LRRC37A: variants seen among roughly 807,000 people sequenced by gnomAD.
LRRC37A encodes the protein leucine rich repeat containing 37A.
Under a neutral mutation model 35.4 loss-of-function variants are expected in LRRC37A, and 3 were observed. The ratio of observed to expected loss-of-function variants is 0.08; its 90% CI spans 0.04 to 0.22. The LOEUF (loss-of-function observed/expected upper bound fraction) is 0.22. Among genes scored for constraint, LRRC37A ranks in the 10% least tolerant of loss-of-function variants. LRRC37A has a pLI of 1.00. For synonymous variants in LRRC37A, 23 were observed against 215.0 expected (o/e 0.11, Z 7.81); for missense variants, 67 against 565.3 (o/e 0.12, Z 8.94).
the LRRC37A span, chr17:46,267,427 C>A: frequency 6.2e-7 from 1 of 1,612,930 alleles, no homozygotes. Context: ...CCGCCTGTAC[C>A]TCACTCACCC....
chr17:46,298,749 T>C (rs577451574), intron 1 of LRRC37A, among the ~76,000 whole-genome samples: 2 of 69,488 alleles, frequency 2.9e-5, no homozygotes, highest in African/African-American at 1.1e-4. Context: ...AAAAAAATGA[T>C]AGGAGGGAAG....
the LRRC37A span, among the ~76,000 whole-genome samples, chr17:46,277,803 C>T: frequency 4.2e-3 from 631 of 151,794 alleles, 3 homozygotes; most frequent in Middle Eastern, 6.9e-3. Context: ...CCCACCCTTA[C>T]GCCTAGCTAA....
chr17:46,264,885 A>AT, the LRRC37A span, among the ~76,000 whole-genome samples: 1 of 152,262 alleles, frequency 6.6e-6, no homozygotes, highest in African/African-American at 2.4e-5. Context: ...GATGTGGGTG[A>AT]TTTGAATGTA....
At chr17:46,250,264 G>T in the LRRC37A span, among the ~76,000 whole-genome samples, 2 of 151,938 alleles carry the variant, frequency 1.3e-5, no homozygotes, top group African/African-American at 2.4e-5. Flanking sequence ...TCGGGCCACT[G>T]GCTCCCAAAT....
the LRRC37A span, among the ~76,000 whole-genome samples, chr17:46,267,711 C>T: frequency 6.6e-6 from 1 of 152,074 alleles, no homozygotes; most frequent in African/African-American, 2.4e-5. Context: ...AGCCCCACCC[C>T]CACGGGTGAG....
intron 5 of LRRC37A, among the ~76,000 whole-genome samples, chr17:46,307,824 C>A (rs1315401024): frequency 1.3e-5 from 1 of 78,186 alleles, no homozygotes; most frequent in East Asian, 2.5e-4. Context: ...ACCAGCCTGA[C>A]CAACATGGTG....
the LRRC37A span, chr17:46,268,560 G>A: frequency 6.6e-7 from 1 of 1,511,964 alleles, no homozygotes; most frequent in Non-Finnish European, 8.9e-7. Flanking sequence ...GCTTCCTACA[G>A]CTCTGCTCCA....
chr17:46,260,694 G>A, the LRRC37A span: 11 of 1,149,110 alleles, frequency 9.6e-6, no homozygotes, highest in Non-Finnish European at 1.1e-5. Context: ...CGGGATCTTG[G>A]CTCACCGCAA....
chr17:46,262,280 T>C, the LRRC37A span, among the ~76,000 whole-genome samples: 3 of 152,252 alleles, frequency 2.0e-5, no homozygotes, highest in Non-Finnish European at 2.9e-5. Flanking sequence ...GTGATCCACC[T>C]GCCTTGGCCT....
At chr17:46,262,924 C>T in the LRRC37A span, among the ~76,000 whole-genome samples, 2 of 152,144 alleles carry the variant, frequency 1.3e-5, no homozygotes, top group African/African-American at 2.4e-5. Flanking sequence ...CCTAGAGTAA[C>T]AAGGAAATCC....
chr17:46,291,038 C>T (rs2532426), upstream of LRRC37A, among the ~76,000 whole-genome samples: 21,419 of 151,832 alleles, frequency 0.14, 1,863 homozygotes, highest in Non-Finnish European at 0.21. Flanking sequence ...AATGAATCTG[C>T]TTCTCTGTCT....
At chr17:46,276,785 T>TTTTTC in the LRRC37A span, among the ~76,000 whole-genome samples, 77 of 149,896 alleles carry the variant, frequency 5.1e-4, no homozygotes, top group Non-Finnish European at 7.9e-4. Flanking sequence ...TTTTTTTCTT[T>TTTTTC]TTTTCTTTTT....
chr17:46,248,405 C>G, the LRRC37A span, among the ~76,000 whole-genome samples: 2 of 152,036 alleles, frequency 1.3e-5, no homozygotes, highest in Non-Finnish European at 2.9e-5. Flanking sequence ...CACCTCCTCC[C>G]ACCGTCAGCC....
intron 11 of LRRC37A, among the ~76,000 whole-genome samples, chr17:46,336,203 C>T (rs1332674225): frequency 3.2e-5 from 1 of 31,364 alleles, no homozygotes; most frequent in African/African-American, 4.9e-5. Flanking sequence ...TTTTTTTTTC[C>T]CCTGGATCCT....
At chr17:46,273,405 AG>A in the LRRC37A span, among the ~76,000 whole-genome samples, 1 of 152,278 alleles carries the variant, frequency 6.6e-6, no homozygotes, top group Non-Finnish European at 1.5e-5. Flanking sequence ...ATGTACAAAA[AG>A]GAATGGGCTT....
At chr17:46,276,729 A>G in the LRRC37A span, among the ~76,000 whole-genome samples, 1 of 152,210 alleles carries the variant, frequency 6.6e-6, no homozygotes, top group Non-Finnish European at 1.5e-5. Context: ...GAAATTCCCT[A>G]AAAATGCAAC....
the LRRC37A span, among the ~76,000 whole-genome samples, chr17:46,280,395 C>A: frequency 0.12 from 18,668 of 149,880 alleles, 2 homozygotes; most frequent in Middle Eastern, 0.19. Context: ...AATTTCTAGC[C>A]CAGTGCAGTG....
At chr17:46,274,460 T>TTG in the LRRC37A span, among the ~76,000 whole-genome samples, 3 of 152,182 alleles carry the variant, frequency 2.0e-5, no homozygotes, top group African/African-American at 7.2e-5. Context: ...TGATTCGCAG[T>TTG]TGTGTGTGTG....
chr17:46,263,219 T>TAAAC, the LRRC37A span, among the ~76,000 whole-genome samples: 1 of 151,774 alleles, frequency 6.6e-6, no homozygotes, highest in African/African-American at 2.4e-5. Context: ...CCTGTCTCAA[T>TAAAC]AAACAAACAA....
Sources: allele counts gnomAD v4.1 joint callset (sites outside exome capture counted in the v4.1 genomes callset), GRCh38; gene constraint gnomAD v4.1.1; transcripts MANE v1.5; gene names NCBI Gene and HGNC (gene_info 2026-07-23, HGNC 2026-07-21).